Variants in NFKBIZ observed in about 807,000 individuals in gnomAD.
NFKBIZ encodes the protein NF-kappa-B inhibitor zeta.
NFKBIZ carries 19 observed loss-of-function variants against 76.8 expected under a neutral mutation model. The ratio of observed to expected loss-of-function variants is 0.25; its 90% CI spans 0.17 to 0.36. NFKBIZ has a LOEUF of 0.36. Ranked by LOEUF, NFKBIZ falls within the 10% of genes least tolerant of loss-of-function variation. The pLI is 1.00. For missense variants in NFKBIZ, 829 were observed against 910.9 expected (o/e 0.91, Z 1.16); for synonymous variants, 368 against 354.8 (o/e 1.04, Z -0.42).
upstream of NFKBIZ, among the ~76,000 whole-genome samples, chr3:101,845,192 C>T (rs556861701): frequency 5.8e-4 from 87 of 151,304 alleles, 1 homozygote; most frequent in South Asian, 0.014. Context: ...GGCGTGAACC[C>T]GGGAGGCGGA....
In NFKBIZ at chr3:101,855,425, C is replaced by A. The variant is rs1321672011; in HGVS notation, c.1621C>A (p.Gln541Lys). Residue 541 changes from glutamine (Q) to lysine (K), a missense_variant, in exon 8 of 12, where the codon CAG (glutamine) becomes AAG (lysine). Coordinates refer to ENST00000326172, the MANE Select transcript of NFKBIZ (RefSeq NM_031419.4). ...AIQKGAVGSN[Q>K]FVDLEATNYD... is the part of the protein sequence containing the mutation. Reference sequence around the variant, plus strand: ...TCAGAAGGGAGCAGTGGGAAGTAATCAGTTTGTGGATCTTGAGGCAACTAA... The same window carrying A: ...TCAGAAGGGAGCAGTGGGAAGTAATAAGTTTGTGGATCTTGAGGCAACTAA... The A allele has an allele frequency of 6.2e-7, 1 of 1,614,146 alleles. No homozygotes were observed. Among genetic ancestry groups the A allele is most frequent in the Non-Finnish European group, 8.5e-7 (1 of 1,180,028 alleles).
chr3:101,837,360 A>G (rs1269113458), intron 2 of NFKBIZ, among the ~76,000 whole-genome samples: 1 of 152,018 alleles, frequency 6.6e-6, no homozygotes, highest in Non-Finnish European at 1.5e-5. Context: ...CAGATGGGGA[A>G]TTCCTCCTTA....
chr3:101,854,725 A>G (rs1278587260), intron 6 of NFKBIZ, 42 bp downstream of exon 6: 1 of 1,371,162 alleles, frequency 7.3e-7, no homozygotes, highest in Non-Finnish European at 1.0e-6. Flanking sequence ...AGAGGGGGTC[A>G]TGGTGAAGTG....
chr3:101,832,385 A>T (rs1350944891), intron 2 of NFKBIZ, among the ~76,000 whole-genome samples: 1 of 152,164 alleles, frequency 6.6e-6, no homozygotes. Context: ...TTCATATTAC[A>T]ACTTTTGCCA....
intron 2 of NFKBIZ, among the ~76,000 whole-genome samples, chr3:101,841,286 T>G (rs1217500340): frequency 6.6e-6 from 1 of 152,228 alleles, no homozygotes; most frequent in African/African-American, 2.4e-5. Flanking sequence ...CAGAACTTAC[T>G]AACTACAGCT....
intron 5 of NFKBIZ, 115 bp downstream of exon 5, chr3:101,853,978 C>G (rs2925334): frequency 0.64 from 631,458 of 985,254 alleles, 205,236 homozygotes; most frequent in Admixed American, 0.72. Context: ...GTTGGCTAAC[C>G]AAGATGACTG....
chr3:101,836,322 TCA>T (rs1942719731), intron 2 of NFKBIZ, among the ~76,000 whole-genome samples: 1 of 152,236 alleles, frequency 6.6e-6, no homozygotes. Flanking sequence ...TGCTTTGTTG[TCA>T]CACTGGTTTG....
At chr3:101,856,788 G>A (rs977872316) in intron 9 of NFKBIZ, 1 of 290,334 alleles carries the variant, frequency 3.4e-6, no homozygotes, top group Non-Finnish European at 6.5e-6. Flanking sequence ...TTACTGATAG[G>A]TTATGACATA....
intron 2 of NFKBIZ, among the ~76,000 whole-genome samples, chr3:101,840,326 A>G (rs1350848484): frequency 2.6e-5 from 4 of 152,110 alleles, no homozygotes; most frequent in South Asian, 2.1e-4. Context: ...GAAACCAGAA[A>G]ACACTCTCAT....
At chr3:101,830,596 T>G (rs538859847) in intron 2 of NFKBIZ, among the ~76,000 whole-genome samples, 1 of 152,352 alleles carries the variant, frequency 6.6e-6, no homozygotes, top group Admixed American at 6.5e-5. Context: ...TGTTCCTGTG[T>G]TAATTCACTT....
intron 8 of NFKBIZ, 45 bp from the exon 9 acceptor site, chr3:101,855,688 C>A (rs1362277184): frequency 6.5e-7 from 1 of 1,542,854 alleles, no homozygotes; most frequent in Non-Finnish European, 8.7e-7. Flanking sequence ...GACCAAAAGA[C>A]CTGATGGGAT....
intron 2 of NFKBIZ, among the ~76,000 whole-genome samples, chr3:101,829,977 T>C (rs1942625739): frequency 6.6e-6 from 1 of 152,168 alleles, no homozygotes; most frequent in Non-Finnish European, 1.5e-5. Context: ...TGAATACATC[T>C]AAGAGGGGAA....
At chr3:101,850,585 G>C (rs1942939878) in intron 1 of NFKBIZ, among the ~76,000 whole-genome samples, 1 of 152,198 alleles carries the variant, frequency 6.6e-6, no homozygotes, top group Admixed American at 6.5e-5. Flanking sequence ...TCTTTCATGG[G>C]CTGCGAATTG....
At chr3:101,854,554 C>G (rs754197512) in intron 5 of NFKBIZ, 24 bp from the exon 6 acceptor site, 2 of 1,481,236 alleles carry the variant, frequency 1.4e-6, no homozygotes, top group African/African-American at 1.4e-5. Flanking sequence ...GTGATTCACC[C>G]GCTTTCCTTT....
chr3:101,860,458 T>C lies in NFKBIZ; in HGVS notation c.*1087T>C, dbSNP rs1472538491. On this transcript the variant is annotated 3_prime_UTR_variant, in exon 12 of 12. Transcript: ENST00000326172. ...TCCCAAAATGCTGGGATTACAGGAG[T>C]GAGCCACCATGCCCGGCTGGCAGTT... 6.6e-6 allele frequency: 1 copy of C among 152,168 alleles called. No individual in the cohort carries two copies. The highest frequency in any genetic ancestry group is 1.5e-5 in the Non-Finnish European group (1 of 68,068). The allele number at this position is 152,168 out of a possible 1,614,324, so 9.4% of individuals were successfully genotyped here.
chr3:101,844,498 C>T (rs574389679), intron 2 of NFKBIZ, among the ~76,000 whole-genome samples: 1 of 152,186 alleles, frequency 6.6e-6, no homozygotes, highest in Non-Finnish European at 1.5e-5. Flanking sequence ...AATGTAAACA[C>T]AATTGTTTCA....
intron 11 of NFKBIZ, chr3:101,858,360 A>T: frequency 2.1e-6 from 2 of 975,362 alleles, no homozygotes; most frequent in Non-Finnish European, 2.4e-6. Flanking sequence ...GAAGAACTTT[A>T]CAAGTTTCAA....
chr3:101,854,672 C>G lies in NFKBIZ; in HGVS notation c.1432C>G (p.His478Asp). Residue 478 changes from histidine to aspartate, a missense_variant, in exon 6 of 12, where the codon CAC (histidine) becomes GAC (aspartate). Physicochemically the swap from His to Asp is moderately conservative, Grantham distance 81 (BLOSUM62 -1). Coordinates refer to ENST00000326172, the MANE Select transcript of NFKBIZ (RefSeq NM_031419.4). The stretch of plus-strand genomic sequence containing the variant: ...ACTTCACATGCTGGATATTAAAGAG[C>G]ACAATGGACAGGTGAGGACCTTGAC... ...NALHMLDIKE[H>D]NGQSAFQVAV... is the part of the protein sequence containing the mutation. The G allele has an allele frequency of 6.2e-7, 1 of 1,612,430 alleles. No individual in the cohort carries two copies. Among genetic ancestry groups the G allele is most frequent in the Non-Finnish European group, 8.5e-7 (1 of 1,178,646 alleles).
rs146291636 is a variant in NFKBIZ, at chr3:101,854,972, G to A, written c.1444-90G>A. The A allele has an allele frequency of 1.1e-3, 1,564 of 1,371,490 alleles. 20 individuals are homozygous for A. In the African/African-American group the frequency reaches 0.021, roughly 18 times the overall value. The allele number at this position is 1,371,490 out of a possible 1,614,324, so 85.0% of individuals were successfully genotyped here. The stretch of plus-strand genomic sequence containing the variant: ...CAAAGGATTTATTTTCTCTCTGTGG[G>A]TTTTTCCCTCAGTCATAGTTTAGTT... On this transcript the variant is annotated intron_variant, in intron 6 of 11. Transcript: ENST00000326172.
Sources: allele counts gnomAD v4.1 joint callset (sites outside exome capture counted in the v4.1 genomes callset), GRCh38; gene constraint gnomAD v4.1.1; transcripts MANE v1.5; gene names NCBI Gene and HGNC (gene_info 2026-07-23, HGNC 2026-07-21).